The following ST3GAL3 variants were observed in gnomAD, a reference collection of about 807,000 sequenced individuals.
ST3GAL3 encodes the protein ST3 beta-galactoside alpha-2,3-sialyltransferase 3, also known as CMP-N-acetylneuraminate-beta-1,4-galactoside alpha-2,3-sialyltransferase.
A neutral mutation model predicts 50.1 loss-of-function variants in ST3GAL3; 21 were observed. The observed-to-expected ratio is 0.42, with a 90% CI of 0.30 to 0.60. The LOEUF is 0.60. Among genes scored for constraint, ST3GAL3 ranks in the 20% least tolerant of loss-of-function variants. ST3GAL3 has a pLI of 0.19. For missense variants in ST3GAL3, 353 were observed against 489.4 expected (o/e 0.72, Z 2.63); for synonymous variants, 183 against 190.0 (o/e 0.96, Z 0.30).
chr1:43,775,652 C>T (rs1195451712), intron 2 of ST3GAL3, among the ~76,000 whole-genome samples: 1 of 152,142 alleles, frequency 6.6e-6, no homozygotes, highest in African/African-American at 2.4e-5. Context: ...ACAACTTCTA[C>T]TTGGGGGGAC....
chr1:43,841,389 C>T (rs1227309676), intron 5 of ST3GAL3: 6 of 152,288 alleles, frequency 3.9e-5, no homozygotes, highest in Non-Finnish European at 4.4e-5. Flanking sequence ...CTTTTCCATA[C>T]ATCCTCTGAA....
Position 43,750,809 on chromosome 1 carries a change from T to C in ST3GAL3, c.118+14429T>C, listed in dbSNP as rs547753143. Among the ~76,000 whole-genome samples the C allele has an allele frequency of 2.0e-5, 3 of 151,934 alleles. 1 individual carries two copies. Among genetic ancestry groups the C allele is most frequent in the South Asian group, 4.2e-4 (2 of 4,812 alleles). On this transcript the variant is annotated intron_variant, in intron 2 of 11. Coordinates refer to ENST00000347631, the MANE Select transcript of ST3GAL3 (RefSeq NM_006279.5). ...GCTACTTAGGAGGCTCAGTGAGCCATGTTCATGCCTGAGCTGTGCTCACGC... is the reference window on the plus strand; with the variant it reads ...GCTACTTAGGAGGCTCAGTGAGCCACGTTCATGCCTGAGCTGTGCTCACGC...
intron 2 of ST3GAL3, among the ~76,000 whole-genome samples, chr1:43,780,351 G>T (rs1277701091): frequency 6.6e-6 from 1 of 151,892 alleles, no homozygotes; most frequent in Non-Finnish European, 1.5e-5. Flanking sequence ...TGTTCTCTCT[G>T]GAAATTTGAA....
chr1:43,896,827 G>C (rs931523733), intron 6 of ST3GAL3: 28 of 152,114 alleles, frequency 1.8e-4, no homozygotes, highest in African/African-American at 6.5e-4. Flanking sequence ...TTACAGGTGT[G>C]AGCCACCACA....
At chr1:43,771,768 G>A (rs938258146) in intron 2 of ST3GAL3, 12 of 362,852 alleles carry the variant, frequency 3.3e-5, no homozygotes, top group Non-Finnish European at 5.3e-5. Context: ...GTGTGTGTGT[G>A]TGTATAGTAT....
At chr1:43,857,567 CTT>C (rs879313134) in intron 5 of ST3GAL3, among the ~76,000 whole-genome samples, 1 of 63,978 alleles carries the variant, frequency 1.6e-5, no homozygotes, top group Non-Finnish European at 4.2e-5. Context: ...TTCCTTCCTT[CTT>C]TCTTTCCTTC....
At chr1:43,802,881 G>A (rs2059459855) in intron 3 of ST3GAL3, among the ~76,000 whole-genome samples, 1 of 152,134 alleles carries the variant, frequency 6.6e-6, no homozygotes, top group African/African-American at 2.4e-5. Flanking sequence ...TTTAAATTAA[G>A]AGTTGGAGGC....
In ST3GAL3 at chr1:43,913,655, C is replaced by G. The variant is rs192390026; in HGVS notation, c.745-6749C>G. 3.3e-5 allele frequency: 5 copies of G among 152,094 alleles called. No individual in the cohort carries two copies. The East Asian group carries it at 9.7e-4, about 29-fold the overall frequency. The allele number at this position is 152,094 out of a possible 1,614,324, so 9.4% of individuals were successfully genotyped here. A position where few individuals can be genotyped will look rare whatever the true frequency, so the allele number is the denominator to read the frequency against. Reference sequence around the variant, plus strand: ...ATCTTGGTCTTACTGTTTCTCCTTTCCCTGAAATCTCTGAGGAAACTACAC... The same window carrying G: ...ATCTTGGTCTTACTGTTTCTCCTTTGCCTGAAATCTCTGAGGAAACTACAC... On this transcript the variant is annotated intron_variant, in intron 9 of 11. Transcript: ENST00000347631.
chr1:43,812,001 A>G (rs2060616936), intron 3 of ST3GAL3, among the ~76,000 whole-genome samples: 1 of 152,186 alleles, frequency 6.6e-6, no homozygotes, highest in South Asian at 2.1e-4. Context: ...TCTGAAATGT[A>G]TCACCTTATA....
intron 2 of ST3GAL3, among the ~76,000 whole-genome samples, chr1:43,753,174 C>T (rs1558147267): frequency 6.6e-6 from 1 of 152,190 alleles, no homozygotes; most frequent in African/African-American, 2.4e-5. Context: ...ACACTGATAA[C>T]AGAGTATATT....
chr1:43,782,319 C>T (rs909520571), intron 2 of ST3GAL3, among the ~76,000 whole-genome samples: 4 of 152,180 alleles, frequency 2.6e-5, no homozygotes, highest in African/African-American at 9.6e-5. Context: ...TCACGTGAGA[C>T]CCTCATTGTC....
In ST3GAL3 at chr1:43,888,575, A is replaced by G. The variant is rs545097540; in HGVS notation, c.303-5808A>G. ...AATATATAAAGAACTTTAAAAAAAG[A>G]GAAGAAAAAAACAATACCTAAAAAA... On this transcript the variant is annotated intron_variant, in intron 5 of 11. Transcript: ENST00000347631. 1.2e-4 allele frequency among the ~76,000 whole-genome samples: 18 copies of G among 152,258 alleles called. No individual in the cohort carries two copies. The South Asian group carries it at 3.7e-3, about 32-fold the overall frequency.
intron 2 of ST3GAL3, among the ~76,000 whole-genome samples, chr1:43,771,654 G>C (rs1177932978): frequency 2.6e-5 from 4 of 152,046 alleles, no homozygotes; most frequent in Non-Finnish European, 5.9e-5. Context: ...ACCGCGCCCG[G>C]CTGGGTGACT....
At chr1:43,901,330 C>CA (rs897155684) in intron 9 of ST3GAL3, among the ~76,000 whole-genome samples, 2 of 152,202 alleles carry the variant, frequency 1.3e-5, no homozygotes, top group African/African-American at 4.8e-5. Context: ...CTTCAGTGCT[C>CA]AGTCACCATA....
At chr1:43,791,737 T>C (rs1022500212) in intron 2 of ST3GAL3, among the ~76,000 whole-genome samples, 1 of 152,194 alleles carries the variant, frequency 6.6e-6, no homozygotes, top group African/African-American at 2.4e-5. Context: ...AAAGGGGAAA[T>C]GTTAGTGCCT....
chr1:43,804,514 C>T (rs957480214), intron 3 of ST3GAL3, among the ~76,000 whole-genome samples: 8 of 152,058 alleles, frequency 5.3e-5, no homozygotes, highest in Non-Finnish European at 1.0e-4. Context: ...AGCAGACAGA[C>T]GCCAGTGACT....
intron 1 of ST3GAL3, among the ~76,000 whole-genome samples, chr1:43,714,146 C>T (rs974790196): frequency 1.3e-5 from 2 of 151,724 alleles, no homozygotes; most frequent in African/African-American, 4.8e-5. Context: ...CGCCTGTAAT[C>T]CCAGCTACCC....
chr1:43,889,203 T>TACACAC (rs59739550), intron 5 of ST3GAL3, among the ~76,000 whole-genome samples: 65,492 of 147,942 alleles, frequency 0.44, 17,191 homozygotes, highest in Non-Finnish European at 0.6. Flanking sequence ...GGAACAGGAA[T>TACACAC]ACACACACAC....
chr1:43,740,849 AGAGGGAGT>A (rs1680584023), intron 2 of ST3GAL3, among the ~76,000 whole-genome samples: 1 of 143,294 alleles, frequency 7.0e-6, no homozygotes, highest in South Asian at 2.6e-4. Context: ...AGAGAAGGAG[AGAGGGAGT>A]GAGGGAGGGA....
Sources: gnomAD v4.1 joint callset for allele counts (sites outside exome capture counted in the v4.1 genomes callset) on GRCh38, gnomAD v4.1.1 for gene constraint, MANE v1.5 for transcripts, NCBI Gene and HGNC (gene_info 2026-07-23, HGNC 2026-07-21) for gene names.